Variants in RNF220 observed in about 807,000 individuals in gnomAD.
RNF220 encodes the protein ring finger protein 220, also known as E3 ubiquitin-protein ligase RNF220.
A neutral mutation model predicts 67.1 loss-of-function variants in RNF220; 7 were observed. The observed-to-expected ratio is 0.10, with a 90% confidence interval of 0.06 to 0.20. RNF220 has a LOEUF of 0.20. Among genes scored for constraint, RNF220 ranks in the 10% least tolerant of loss-of-function variants. The pLI, the probability that RNF220 is intolerant of heterozygous loss-of-function variation, is 1.00. For missense variants in RNF220, 565 were observed against 740.3 expected (o/e 0.76, Z 2.75); for synonymous variants, 270 against 283.2 (o/e 0.95, Z 0.47).
intron 2 of RNF220, among the ~76,000 whole-genome samples, chr1:44,445,591 C>G (rs1476125838): frequency 6.6e-5 from 10 of 152,040 alleles, no homozygotes; most frequent in Admixed American, 6.6e-4. Flanking sequence ...TTTACACTTG[C>G]ATTTGCCATG....
chr1:44,543,042 G>A (rs572740638), intron 2 of RNF220, among the ~76,000 whole-genome samples: 1 of 152,310 alleles, frequency 6.6e-6, no homozygotes, highest in East Asian at 1.9e-4. Context: ...GCTGGCCAAG[G>A]CTCTGCCTGG....
rs559594082 is a variant in RNF220 at position 44,469,111 on chromosome 1, G to A, written c.625+56389G>A. 3.3e-5 allele frequency among the ~76,000 whole-genome samples: 5 copies of A among 151,996 alleles called. No homozygotes were observed. In the East Asian group the frequency reaches 9.6e-4, roughly 29 times the overall value. ...CTCATTTTAGAAAGAAATATAAATG[G>A]CCAATAATCATATGAAAAAGATGCC... On this transcript the variant is annotated intron_variant, in intron 2 of 14. Transcript: ENST00000361799.
intron 2 of RNF220, among the ~76,000 whole-genome samples, chr1:44,545,923 A>G (rs979691202): frequency 6.6e-6 from 1 of 151,974 alleles, no homozygotes; most frequent in African/African-American, 2.4e-5. Flanking sequence ...CGCCCGGCTA[A>G]TTTTCTATTT....
At chr1:44,632,076 G>A in intron 5 of RNF220, 3 of 1,223,100 alleles carry the variant, frequency 2.5e-6, no homozygotes, top group South Asian at 2.3e-5. Flanking sequence ...CGGCCGTGGG[G>A]CCCAGAGCGC....
intron 2 of RNF220, among the ~76,000 whole-genome samples, chr1:44,559,717 C>T (rs577107339): frequency 3.3e-5 from 5 of 152,118 alleles, no homozygotes; most frequent in African/African-American, 1.2e-4. Flanking sequence ...GCGCAGTGTG[C>T]GAGGGAGCTT....
intron 2 of RNF220, among the ~76,000 whole-genome samples, chr1:44,553,371 AGAATGAATGAATGAAT>A (rs55720653): frequency 0.21 from 31,148 of 150,710 alleles, 3,617 homozygotes; most frequent in Middle Eastern, 0.29. Flanking sequence ...GCTGAGTATA[AGAATGAATGAATGAAT>A]GAATGAATGA....
intron 2 of RNF220, among the ~76,000 whole-genome samples, chr1:44,470,770 T>C (rs540434496): frequency 6.6e-6 from 1 of 152,334 alleles, no homozygotes; most frequent in East Asian, 1.9e-4. Context: ...TTTGGCTCTC[T>C]CATTTCCCTC....
intron 2 of RNF220, among the ~76,000 whole-genome samples, chr1:44,530,630 G>A (rs547139937): frequency 8.6e-5 from 13 of 151,670 alleles, no homozygotes; most frequent in African/African-American, 2.7e-4. Context: ...GATGAAATAC[G>A]TAGCACAGCA....
At chr1:44,646,119 G>A (rs994604544) in intron 12 of RNF220, among the ~76,000 whole-genome samples, 2 of 152,210 alleles carry the variant, frequency 1.3e-5, no homozygotes, top group African/African-American at 4.8e-5. Context: ...AGGCTGCCTG[G>A]TGCTGCTGCC....
At chr1:44,644,676 C>T (rs1246557980) in intron 8 of RNF220, 22 bp from the exon 9 acceptor site, 12 of 1,608,598 alleles carry the variant, frequency 7.5e-6, no homozygotes, top group Admixed American at 1.7e-5. Flanking sequence ...CCCAGGCCCT[C>T]CTCACACCCT....
intron 2 of RNF220, among the ~76,000 whole-genome samples, chr1:44,488,026 G>A (rs1339419475): frequency 6.6e-6 from 1 of 151,070 alleles, no homozygotes; most frequent in African/African-American, 2.4e-5. Context: ...CTGGAGTGCA[G>A]TGGCATGATC....
chr1:44,544,039 A>T (rs11211011), intron 2 of RNF220, among the ~76,000 whole-genome samples: 14,316 of 152,208 alleles, frequency 0.094, 1,045 homozygotes, highest in East Asian at 0.36. Flanking sequence ...GGAGCTGGGG[A>T]CAGAGAGCAG....
chr1:44,642,509 G>C (rs1644516335), intron 8 of RNF220, among the ~76,000 whole-genome samples: 1 of 152,180 alleles, frequency 6.6e-6, no homozygotes, highest in African/African-American at 2.4e-5. Context: ...GAGGGAGAAG[G>C]TTCTAGGCAG....
At chr1:44,470,626 T>G (rs1654720233) in intron 2 of RNF220, among the ~76,000 whole-genome samples, 1 of 152,192 alleles carries the variant, frequency 6.6e-6, no homozygotes, top group Non-Finnish European at 1.5e-5. Flanking sequence ...TTGTAGTTTC[T>G]TGGCCTGTTA....
At chr1:44,469,854 A>T (rs75755600) in intron 2 of RNF220, among the ~76,000 whole-genome samples, 1,639 of 152,324 alleles carry the variant, frequency 0.011, 11 homozygotes, top group Middle Eastern at 0.02. Context: ...AGTGACAAGC[A>T]CTAGGTTGAA....
At chr1:44,635,859 G>A in intron 7 of RNF220, 171 bp from the exon 8 acceptor site, 1 of 1,339,444 alleles carries the variant, frequency 7.5e-7, no homozygotes, top group Non-Finnish European at 1.0e-6. Flanking sequence ...AAAACTATTG[G>A]GAAGAGGCCC....
intron 2 of RNF220, among the ~76,000 whole-genome samples, chr1:44,585,906 A>G (rs938427996): frequency 6.6e-6 from 1 of 151,942 alleles, no homozygotes; most frequent in Non-Finnish European, 1.5e-5. Context: ...CTAACATTAT[A>G]CCCTGGCAAG....
chr1:44,523,986 G>C (rs1660153524), intron 2 of RNF220, among the ~76,000 whole-genome samples: 1 of 152,172 alleles, frequency 6.6e-6, no homozygotes, highest in Middle Eastern at 3.2e-3. Flanking sequence ...TGTGAGTCGA[G>C]ATACCTGCAA....
intron 2 of RNF220, among the ~76,000 whole-genome samples, chr1:44,611,889 G>T (rs1557436476): frequency 6.6e-6 from 1 of 152,226 alleles, no homozygotes; most frequent in Admixed American, 6.5e-5. Flanking sequence ...ACAGAGGTCT[G>T]TGTCCCATTC....
Sources: allele counts gnomAD v4.1 joint callset (sites outside exome capture counted in the v4.1 genomes callset), GRCh38; gene constraint gnomAD v4.1.1; transcripts MANE v1.5; gene names NCBI Gene and HGNC (gene_info 2026-07-23, HGNC 2026-07-21).